Variants in SLC4A8 observed in about 807,000 individuals in gnomAD.
The protein encoded by SLC4A8 is solute carrier family 4 member 8, also known as electroneutral sodium bicarbonate exchanger 1.
In SLC4A8, 40 loss-of-function variants were observed where a neutral mutation model predicts 125.0. The ratio of observed to expected loss-of-function variants is 0.32; its 90% CI spans 0.25 to 0.42. The LOEUF is 0.42. SLC4A8 is among the 10% of genes least tolerant of loss of function. The pLI, the probability that SLC4A8 is intolerant of heterozygous loss-of-function variation, is 1.00. For missense variants in SLC4A8, 863 were observed against 1,355.1 expected, an observed-to-expected ratio of 0.64 and a Z score of 5.70; for synonymous variants, 456 against 476.0, an observed-to-expected ratio of 0.96 and a Z score of 0.55.
At chr12:51,489,066 T>G (rs907303735) in intron 18 of SLC4A8, among the ~76,000 whole-genome samples, 2 of 152,186 alleles carry the variant, frequency 1.3e-5, no homozygotes, top group Admixed American at 6.5e-5. Context: ...ACTCCATTAC[T>G]CTCCTCTCAC....
At chr12:51,458,301 T>A (rs1950219214) in intron 6 of SLC4A8, among the ~76,000 whole-genome samples, 1 of 152,222 alleles carries the variant, frequency 6.6e-6, no homozygotes, top group Admixed American at 6.5e-5. Context: ...GAAGGATTAC[T>A]GCCTTAATAG....
intron 16 of SLC4A8, chr12:51,480,201 A>C: frequency 8.4e-7 from 1 of 1,187,382 alleles, no homozygotes; most frequent in Non-Finnish European, 1.1e-6. Flanking sequence ...GGCCTCCCAA[A>C]ATGCTGGGAT....
At chr12:51,409,695 G>A (rs1948559841) in intron 1 of SLC4A8, among the ~76,000 whole-genome samples, 2 of 152,142 alleles carry the variant, frequency 1.3e-5, no homozygotes, top group African/African-American at 4.8e-5. Context: ...GACTATAGGT[G>A]TGCACCACTG....
At chr12:51,477,998 C>T (rs1207517167) in intron 16 of SLC4A8, among the ~76,000 whole-genome samples, 3 of 151,852 alleles carry the variant, frequency 2.0e-5, no homozygotes, top group Admixed American at 6.6e-5. Flanking sequence ...GGGCATGGGC[C>T]GGGCGCAGTG....
chr12:51,477,012 G>T (rs545094748), intron 16 of SLC4A8, among the ~76,000 whole-genome samples: 15 of 150,322 alleles, frequency 1.0e-4, no homozygotes, highest in African/African-American at 3.7e-4. Context: ...GGTTCAAGTG[G>T]TTCTTCTGCC....
At position 51,403,087 on chromosome 12, in the gene SLC4A8, G is replaced by A. The variant is rs1028027733; in HGVS notation, c.-112+11599G>A. On this transcript the variant is annotated intron_variant, in intron 1 of 24. Coordinates refer to the SLC4A8 transcript ENST00000358657. The stretch of plus-strand genomic sequence containing the variant: ...TTTTTTTAAAGGACAATTATATAGA[G>A]TCTGTTGTGAAATTTAGATTAGGTA... 43 of 423,034 alleles carry A rather than the reference G, an allele frequency of 1.0e-4. 1 individual carries two copies. The highest frequency in any genetic ancestry group is 1.7e-4 in the Non-Finnish European group (35 of 207,206). The allele number at this position is 423,034 out of a possible 1,614,324, so 26.2% of individuals were successfully genotyped here.
intron 13 of SLC4A8, among the ~76,000 whole-genome samples, chr12:51,470,879 G>GTTT (rs11429757): frequency 6.6e-6 from 1 of 150,614 alleles, no homozygotes; most frequent in African/African-American, 2.4e-5. Flanking sequence ...GTTTTGTTTT[G>GTTT]TTTTTTTGCT....
At chr12:51,475,358 CA>C in intron 16 of SLC4A8, 152 bp downstream of exon 16, 1 of 731,004 alleles carries the variant, frequency 1.4e-6, no homozygotes. Context: ...TAGTGTCTGG[CA>C]GCCTCTTTCA....
chr12:51,507,507 G>A lies in SLC4A8; in HGVS notation c.*69G>A. 8.5e-7 allele frequency: 1 copy of A among 1,174,796 alleles called. No homozygotes were observed. The highest frequency in any genetic ancestry group is 1.1e-6 in the Non-Finnish European group (1 of 884,328). The allele number at this position is 1,174,796 out of a possible 1,614,324, so 72.8% of individuals were successfully genotyped here. A position where few individuals can be genotyped will look rare whatever the true frequency, so the allele number is the denominator to read the frequency against. ...GGGAAGTTCTGGTTACAGAGAAAAT[G>A]GCGAGTCTCTCAGAGAAGAAGCAAG... On this transcript the variant is annotated 3_prime_UTR_variant, in exon 25 of 25. Coordinates refer to ENST00000453097, the MANE Select transcript of SLC4A8 (RefSeq NM_001039960.3).
At chr12:51,434,454 AG>A (rs1949337297) in intron 1 of SLC4A8, among the ~76,000 whole-genome samples, 1 of 152,220 alleles carries the variant, frequency 6.6e-6, no homozygotes, top group African/African-American at 2.4e-5. Flanking sequence ...TTCACATTCA[AG>A]CCTGACCTTT....
At chr12:51,414,443 G>A (rs11169832) in intron 1 of SLC4A8, among the ~76,000 whole-genome samples, 9,354 of 152,120 alleles carry the variant, frequency 0.061, 434 homozygotes, top group East Asian at 0.22. Context: ...TGGCTAGGAC[G>A]TACAGTATTA....
At chr12:51,411,535 G>C (rs1370048993) in intron 1 of SLC4A8, among the ~76,000 whole-genome samples, 1 of 152,142 alleles carries the variant, frequency 6.6e-6, no homozygotes, top group African/African-American at 2.4e-5. Flanking sequence ...GCTACAGTGA[G>C]CGGTGATTAT....
chr12:51,483,912 C>T (rs956294564), intron 16 of SLC4A8, among the ~76,000 whole-genome samples: 4 of 152,066 alleles, frequency 2.6e-5, no homozygotes, highest in East Asian at 1.9e-4. Flanking sequence ...CAACAGGCCC[C>T]GGTGTGTGAT....
chr12:51,509,908 G>A lies in SLC4A8; in HGVS notation c.*2470G>A, dbSNP rs1005137575. Reference sequence around the variant, plus strand: ...TGAGTGAAGATGGGAAGGAATTTGGGTGGTTTTGCCACGAGGTGATGGTTG... The same window carrying A: ...TGAGTGAAGATGGGAAGGAATTTGGATGGTTTTGCCACGAGGTGATGGTTG... On this transcript the variant is annotated 3_prime_UTR_variant, in exon 25 of 25. Transcript: ENST00000453097. 1 of 152,500 alleles carries A rather than the reference G, an allele frequency of 6.6e-6. No individual in the cohort carries two copies. Among genetic ancestry groups the A allele is most frequent in the African/African-American group, 2.4e-5 (1 of 41,446 alleles). The allele number at this position is 152,500 out of a possible 1,614,324, so 9.4% of individuals were successfully genotyped here.
chr12:51,393,385 G>A (rs1948198594), intron 1 of SLC4A8, among the ~76,000 whole-genome samples: 1 of 152,146 alleles, frequency 6.6e-6, no homozygotes, highest in South Asian at 2.1e-4. Context: ...ATGAGCCACC[G>A]AGTCCAGCCA....
intron 3 of SLC4A8, 147 bp downstream of exon 3, chr12:51,451,169 T>TTAG: frequency 2.5e-6 from 2 of 784,388 alleles, no homozygotes; most frequent in Non-Finnish European, 1.8e-6. Context: ...GAAATGCCTC[T>TTAG]AAGAGTCAAA....
At chr12:51,438,455 A>G (rs1377293433) in intron 1 of SLC4A8, among the ~76,000 whole-genome samples, 4 of 152,162 alleles carry the variant, frequency 2.6e-5, no homozygotes, top group Admixed American at 2.0e-4. Context: ...ACAAATGACA[A>G]GATTTCATAC....
chr12:51,495,791 C>G (rs1951446506), intron 21 of SLC4A8, among the ~76,000 whole-genome samples: 1 of 152,110 alleles, frequency 6.6e-6, no homozygotes, highest in Non-Finnish European at 1.5e-5. Flanking sequence ...TTGTGACTGG[C>G]TAATTTCATT....
chr12:51,460,287 T>C (rs530543366), intron 8 of SLC4A8, among the ~76,000 whole-genome samples, 179 bp downstream of exon 8: 1 of 152,140 alleles, frequency 6.6e-6, no homozygotes, highest in Non-Finnish European at 1.5e-5. Flanking sequence ...CTAGAGAGGC[T>C]GAGGTGGGGG....
Sources: allele counts gnomAD v4.1 joint callset (sites outside exome capture counted in the v4.1 genomes callset), GRCh38; gene constraint gnomAD v4.1.1; transcripts MANE v1.5; gene names NCBI Gene and HGNC (gene_info 2026-07-23, HGNC 2026-07-21).